The following ALOX5 variants were observed in gnomAD, a reference collection of about 807,000 sequenced individuals.
The protein encoded by ALOX5 is polyunsaturated fatty acid 5-lipoxygenase.
ALOX5 carries 64 observed loss-of-function variants against 87.9 expected under a neutral mutation model. The observed-to-expected ratio is 0.73, with a 90% CI of 0.60 to 0.90. ALOX5 has a LOEUF of 0.90. ALOX5 is among the 40% of genes least tolerant of loss of function. The pLI, the probability that ALOX5 is intolerant of heterozygous loss-of-function variation, is 0.00. For missense variants in ALOX5, 822 were observed against 907.5 expected (o/e 0.91, Z 1.21); for synonymous variants, 388 against 355.1 (o/e 1.09, Z -1.04).
intron 3 of ALOX5, among the ~76,000 whole-genome samples, chr10:45,396,346 A>G (rs1840504409): frequency 1.3e-5 from 1 of 76,226 alleles, no homozygotes; most frequent in African/African-American, 7.4e-5. Context: ...AAAATGAGCA[A>G]TAAGAGAAAA....
rs182121645 is a variant in ALOX5 at position 45,443,889 on chromosome 10, G to A, written c.1674+61G>A. On this transcript the variant is annotated intron_variant, in intron 12 of 13. Coordinates refer to ENST00000374391, the MANE Select transcript of ALOX5 (RefSeq NM_000698.5). ...TCTCAAGGCCGCTGCCTCCTCCCCC[G>A]CCCCGGTTCTGCACGCGTACTGCAC... The A allele has an allele frequency of 1.5e-3, 2,321 of 1,525,890 alleles. 30 individuals are homozygous for A. The African/African-American group carries it at 0.028, about 18-fold the overall frequency. The allele number at this position is 1,525,890 out of a possible 1,614,324, so 94.5% of individuals were successfully genotyped here. A position where few individuals can be genotyped will look rare whatever the true frequency, so the allele number is the denominator to read the frequency against.
chr10:45,427,417 C>A (rs1025890604), intron 6 of ALOX5, among the ~76,000 whole-genome samples: 7 of 152,234 alleles, frequency 4.6e-5, no homozygotes, highest in African/African-American at 1.7e-4. Context: ...CCCCTGCTTC[C>A]CCCGCCCATC....
intron 3 of ALOX5, among the ~76,000 whole-genome samples, chr10:45,397,124 T>C (rs887932114): frequency 8.5e-5 from 13 of 152,240 alleles, no homozygotes; most frequent in Non-Finnish European, 1.8e-4. Context: ...GGTTCACACC[T>C]GTAATCCCAG....
chr10:45,391,051 C>CCCCTCT (rs1304136754), intron 2 of ALOX5, among the ~76,000 whole-genome samples: 1 of 93,200 alleles, frequency 1.1e-5, no homozygotes, highest in African/African-American at 4.7e-5. Flanking sequence ...TCTCCCCTCT[C>CCCCTCT]CCCTCTCCCT....
Position 45,443,092 on chromosome 10 carries a change from G to A in ALOX5, c.1327G>A (p.Asp443Asn), listed in dbSNP as rs1842292056. ...GCAGATGGTGCAGAGGGCCATGAAG[G>A]ACCTGACCTATGCCTCCCTGTGCTT... is the stretch of plus-strand genomic sequence containing the variant. ...HVQMVQRAMK[D>N]LTYASLCFPE... The change falls in exon 10 of 14, where the codon GAC becomes AAC. Residue 443 changes from aspartate to asparagine, a missense_variant. Physicochemically the swap from Asp to Asn is conservative, Grantham distance 23. Coordinates refer to ENST00000374391, the MANE Select transcript of ALOX5 (RefSeq NM_000698.5). The A allele has an allele frequency of 1.2e-6, 2 of 1,613,662 alleles. No individual in the cohort carries two copies. Among genetic ancestry groups the A allele is most frequent in the Non-Finnish European group, 1.7e-6 (2 of 1,180,012 alleles).
chr10:45,407,185 C>T (rs1840915493), intron 3 of ALOX5, among the ~76,000 whole-genome samples: 1 of 152,108 alleles, frequency 6.6e-6, no homozygotes, highest in Non-Finnish European at 1.5e-5. Flanking sequence ...AGTGTGTATA[C>T]ACTTCAGTCT....
Position 45,440,734 on chromosome 10 carries a change from G to A in ALOX5, c.1185+101G>A, listed in dbSNP as rs1842208525. On this transcript the variant is annotated intron_variant, in intron 8 of 13. Coordinates refer to ENST00000374391, the MANE Select transcript of ALOX5 (RefSeq NM_000698.5). ...CAGGGGGACCTGTGGCTGGGAGTGGGTGGCAGAAAGGGAGCCCTGGAGAGA... is the reference window on the plus strand; with the variant it reads ...CAGGGGGACCTGTGGCTGGGAGTGGATGGCAGAAAGGGAGCCCTGGAGAGA... 17 of 1,320,892 alleles carry A rather than the reference G, an allele frequency of 1.3e-5. No homozygotes were observed. In the South Asian group the frequency reaches 2.2e-4, roughly 17 times the overall value. 81.8% of individuals were successfully genotyped at this position (1,320,892 alleles called of 1,614,324 possible).
chr10:45,433,689 C>A (rs1248622468), intron 7 of ALOX5, among the ~76,000 whole-genome samples: 1 of 152,146 alleles, frequency 6.6e-6, no homozygotes, highest in Non-Finnish European at 1.5e-5. Flanking sequence ...GCTTCCAGGT[C>A]ATAGGTAGAT....
intron 1 of ALOX5, among the ~76,000 whole-genome samples, chr10:45,380,637 T>C (rs1277971006): frequency 1.3e-5 from 2 of 152,204 alleles, no homozygotes; most frequent in African/African-American, 2.4e-5. Flanking sequence ...TTGATGAATC[T>C]GGCTTAGAAA....
At chr10:45,423,280 G>T (rs770893459) in intron 4 of ALOX5, among the ~76,000 whole-genome samples, 3 of 152,244 alleles carry the variant, frequency 2.0e-5, no homozygotes, top group Non-Finnish European at 4.4e-5. Flanking sequence ...GAGGCAACAG[G>T]CTATCTTGTT....
intron 4 of ALOX5, among the ~76,000 whole-genome samples, chr10:45,419,047 C>G (rs1427476572): frequency 1.3e-5 from 2 of 152,174 alleles, no homozygotes; most frequent in Non-Finnish European, 2.9e-5. Flanking sequence ...GCCCTCTCCC[C>G]AGGACCACAG....
chr10:45,406,339 C>G (rs147560446), intron 3 of ALOX5, among the ~76,000 whole-genome samples: 2 of 152,158 alleles, frequency 1.3e-5, no homozygotes, highest in Admixed American at 1.3e-4. Context: ...TTTTTCTACT[C>G]GAGACCCCAG....
At chr10:45,442,783 CTTCCCTCTTGTACTCTG>C (rs916983872) in intron 9 of ALOX5, 44 of 478,288 alleles carry the variant, frequency 9.2e-5, no homozygotes, top group Non-Finnish European at 1.6e-4. Flanking sequence ...GGAGCGCACC[CTTCCCTCTTGTACTCTG>C]CAGCCCCACG....
chr10:45,437,821 C>T (rs763950877), intron 7 of ALOX5, among the ~76,000 whole-genome samples: 4 of 152,246 alleles, frequency 2.6e-5, no homozygotes, highest in African/African-American at 4.8e-5. Context: ...GTAGCAGGGA[C>T]AAGCTGCGTA....
intron 2 of ALOX5, among the ~76,000 whole-genome samples, chr10:45,394,662 A>G (rs1320523248): frequency 6.6e-6 from 1 of 152,258 alleles, no homozygotes; most frequent in Non-Finnish European, 1.5e-5. Flanking sequence ...ATCAGAGTGA[A>G]CAGGCAACCT....
At chr10:45,436,265 C>T (rs1381912492) in intron 7 of ALOX5, among the ~76,000 whole-genome samples, 1 of 152,196 alleles carries the variant, frequency 6.6e-6, no homozygotes, top group Non-Finnish European at 1.5e-5. Context: ...GATTAAGTCT[C>T]ATTTGTCAAT....
At position 45,377,694 on chromosome 10, in the gene ALOX5, A is replaced by G. The variant is rs555487998; in HGVS notation, c.150+3265A>G. ...CAGCTTCCTCCTCCCACAGCCCCTC[A>G]TTAGTCCCCCTCCAAGATGGGTAGT... is the stretch of plus-strand genomic sequence containing the variant. On this transcript the variant is annotated intron_variant, in intron 1 of 13. Coordinates refer to ENST00000374391, the MANE Select transcript of ALOX5 (RefSeq NM_000698.5). 1.3e-3 allele frequency among the ~76,000 whole-genome samples: 201 copies of G among 151,860 alleles called. 1 individual carries two copies. The highest frequency in any genetic ancestry group is 2.2e-3 in the Non-Finnish European group (150 of 67,944).
In ALOX5 at chr10:45,444,145, G is replaced by A. The variant is rs1170815921; in HGVS notation, c.1704G>A (p.Ala568=). Reference sequence around the variant, plus strand: ...ACTGGTGCTCCTGGATCCCCAATGCGCCCCCAACCATGCGAGCCCCGCCAC... The same window carrying A: ...ACTGGTGCTCCTGGATCCCCAATGCACCCCCAACCATGCGAGCCCCGCCAC... ...QYDWCSWIPN[A]PPTMRAPPPT... Residue 568 remains alanine (A), a synonymous_variant, in exon 13 of 14, where the codon GCG becomes GCA. Coordinates refer to ENST00000374391, the MANE Select transcript of ALOX5 (RefSeq NM_000698.5). 2 of 1,551,384 alleles carry A rather than the reference G, an allele frequency of 1.3e-6. No individual in the cohort carries two copies. The highest frequency in any genetic ancestry group is 4.9e-5 in the East Asian group (2 of 41,124).
intron 2 of ALOX5, among the ~76,000 whole-genome samples, chr10:45,394,185 T>C (rs946246214): frequency 1.3e-5 from 2 of 152,174 alleles, no homozygotes; most frequent in Non-Finnish European, 2.9e-5. Flanking sequence ...GGAGGCATCA[T>C]GCTACCTGAC....
Sources: gnomAD v4.1 joint callset for allele counts (sites outside exome capture counted in the v4.1 genomes callset) on GRCh38, gnomAD v4.1.1 for gene constraint, MANE v1.5 for transcripts, NCBI Gene and HGNC (gene_info 2026-07-23, HGNC 2026-07-21) for gene names.